The following WWOX variants were observed in gnomAD, a reference collection of about 807,000 sequenced individuals.
The protein encoded by WWOX is WW domain containing oxidoreductase, also known as WW domain-containing oxidoreductase.
In WWOX, 69 loss-of-function variants were observed where a neutral mutation model predicts 46.2. That is an observed-to-expected ratio of 1.49 (90% CI 1.23 to 1.82). WWOX has a LOEUF of 1.82. WWOX is among the 40% of genes most tolerant of loss of function. The pLI is 0.00. For missense variants in WWOX, 919 were observed against 542.6 expected (o/e 1.69, Z -6.89); for synonymous variants, 359 against 202.6 (o/e 1.77, Z -6.56).
Position 78,344,420 on chromosome 16 carries a change from C to T in WWOX, c.517-42440C>T, listed in dbSNP as rs1419942234. ...CCAATGTCCATTTTCAAATGATTTCCAGCAAGGAAGATGGAATTACCACGA... is the reference window on the plus strand; with the variant it reads ...CCAATGTCCATTTTCAAATGATTTCTAGCAAGGAAGATGGAATTACCACGA... On this transcript the variant is annotated intron_variant, in intron 5 of 8. Coordinates refer to ENST00000566780, the MANE Select transcript of WWOX (RefSeq NM_016373.4). 2.2e-4 allele frequency among the ~76,000 whole-genome samples: 27 copies of T among 121,424 alleles called. 8 individuals are homozygous for T. The highest frequency in any genetic ancestry group is 7.5e-4 in the African/African-American group (27 of 35,932). The allele number at this position is 121,424 out of a possible 152,430, so 79.7% of individuals were successfully genotyped here. A position where few individuals can be genotyped will look rare whatever the true frequency, so the allele number is the denominator to read the frequency against.
At chr16:78,781,733 C>A (rs967072042) in intron 8 of WWOX, among the ~76,000 whole-genome samples, 1 of 152,112 alleles carries the variant, frequency 6.6e-6, no homozygotes, top group Admixed American at 6.5e-5. Flanking sequence ...TGAGATGGCA[C>A]CCCTGCACTC....
chr16:78,593,601 A>C (rs953799235), intron 8 of WWOX, among the ~76,000 whole-genome samples: 1 of 152,166 alleles, frequency 6.6e-6, no homozygotes, highest in African/African-American at 2.4e-5. Context: ...CCTTCCGGGG[A>C]CTTTGCTGCC....
At chr16:78,569,783 T>G (rs2044667392) in intron 8 of WWOX, among the ~76,000 whole-genome samples, 3 of 152,226 alleles carry the variant, frequency 2.0e-5, no homozygotes, top group African/African-American at 7.2e-5. Context: ...TATCCTCTTC[T>G]TATTGACCAA....
At chr16:79,072,176 C>T (rs117707284) in intron 8 of WWOX, among the ~76,000 whole-genome samples, 81 of 152,066 alleles carry the variant, frequency 5.3e-4, no homozygotes, top group Non-Finnish European at 1.0e-3. Context: ...GTCCTAGCTA[C>T]TCAGGAAGCT....
chr16:79,093,550 A>G lies in WWOX; in HGVS notation c.1057-118058A>G, dbSNP rs2049007305. Among the ~76,000 whole-genome samples, 8 of 152,054 alleles carry G rather than the reference A, an allele frequency of 5.3e-5. No homozygotes were observed. In the South Asian group the frequency reaches 1.5e-3, roughly 28 times the overall value. On this transcript the variant is annotated intron_variant, in intron 8 of 8. Transcript: ENST00000566780. ...ATTTAACAGTCACAGTGGCTCAGCC[A>G]CCACCCGCAGCAGGCAGTGGGCCCA...
At chr16:78,638,156 G>A (rs1418868208) in intron 8 of WWOX, among the ~76,000 whole-genome samples, 1 of 152,078 alleles carries the variant, frequency 6.6e-6, no homozygotes, top group Non-Finnish European at 1.5e-5. Context: ...TGTTTCCCAT[G>A]GCAATTATTT....
chr16:78,825,594 T>C, intron 8 of WWOX: 1 of 532,358 alleles, frequency 1.9e-6, no homozygotes, highest in Non-Finnish European at 3.8e-6. Flanking sequence ...GAGTCTGCAG[T>C]ACAAACTCCT....
chr16:79,042,392 A>G (rs2047988171), intron 8 of WWOX, among the ~76,000 whole-genome samples: 2 of 152,148 alleles, frequency 1.3e-5, no homozygotes, highest in Admixed American at 6.5e-5. Flanking sequence ...TGCCTGATCA[A>G]TGTATATCAT....
chr16:78,945,926 A>C (rs1267369667), intron 8 of WWOX, among the ~76,000 whole-genome samples: 1 of 152,026 alleles, frequency 6.6e-6, no homozygotes, highest in Non-Finnish European at 1.5e-5. Flanking sequence ...AGTTCATCTC[A>C]CCACGTAGTC....
intron 8 of WWOX, among the ~76,000 whole-genome samples, chr16:78,643,977 C>T (rs917075096): frequency 3.3e-5 from 5 of 152,152 alleles, no homozygotes; most frequent in African/African-American, 4.8e-5. Flanking sequence ...AATCCCAGCG[C>T]TTTGGGAGGC....
chr16:78,821,785 C>T (rs2051502483), intron 8 of WWOX, among the ~76,000 whole-genome samples: 5 of 152,198 alleles, frequency 3.3e-5, no homozygotes, highest in Admixed American at 3.3e-4. Flanking sequence ...AGCATAGTGT[C>T]AGACACAAAA....
chr16:78,827,846 AAAC>A (rs201805300), intron 8 of WWOX, among the ~76,000 whole-genome samples: 1,778 of 152,202 alleles, frequency 0.012, 87 homozygotes, highest in Admixed American at 0.095. Context: ...TTTCAGAGAA[AAAC>A]AACAACAACA....
At chr16:78,981,441 A>ATT (rs34746206) in intron 8 of WWOX, among the ~76,000 whole-genome samples, 1 of 146,230 alleles carries the variant, frequency 6.8e-6, no homozygotes, top group Non-Finnish European at 1.5e-5. Flanking sequence ...ATGAAGCATC[A>ATT]TTTTTTTTTT....
chr16:78,497,604 A>G (rs2084948132), intron 8 of WWOX, among the ~76,000 whole-genome samples: 3 of 152,218 alleles, frequency 2.0e-5, no homozygotes, highest in South Asian at 2.1e-4. Flanking sequence ...CACAGCGTAA[A>G]TGCAAGAAAA....
At chr16:79,099,508 A>T (rs981130607) in intron 8 of WWOX, among the ~76,000 whole-genome samples, 3 of 151,854 alleles carry the variant, frequency 2.0e-5, no homozygotes, top group Admixed American at 2.0e-4. Flanking sequence ...ATACACAACT[A>T]TGCTGGCCAG....
intron 8 of WWOX, among the ~76,000 whole-genome samples, chr16:78,532,046 A>AT (rs1237996466): frequency 6.7e-6 from 1 of 149,744 alleles, no homozygotes; most frequent in Admixed American, 6.6e-5. Flanking sequence ...CAGAAGTGGT[A>AT]TTTGGGGGAG....
intron 8 of WWOX, among the ~76,000 whole-genome samples, chr16:78,856,616 G>A (rs781124995): frequency 2.6e-5 from 4 of 152,064 alleles, no homozygotes; most frequent in African/African-American, 4.8e-5. Flanking sequence ...GCACTCCAGC[G>A]TGGGTGACAG....
chr16:78,901,536 C>T (rs932829999), intron 8 of WWOX, among the ~76,000 whole-genome samples: 5 of 152,054 alleles, frequency 3.3e-5, no homozygotes, highest in South Asian at 4.2e-4. Context: ...TGCCCAGGCT[C>T]GAGTACATTG....
chr16:79,058,795 A>G (rs1159298661), intron 8 of WWOX, among the ~76,000 whole-genome samples: 3 of 152,124 alleles, frequency 2.0e-5, no homozygotes. Context: ...TAACAAAGGG[A>G]TTTGTTGTGT....
Sources: gnomAD v4.1 joint callset for allele counts (sites outside exome capture counted in the v4.1 genomes callset) on GRCh38, gnomAD v4.1.1 for gene constraint, MANE v1.5 for transcripts, NCBI Gene and HGNC (gene_info 2026-07-23, HGNC 2026-07-21) for gene names.